The following MYO1B variants were observed in gnomAD, a reference collection of about 807,000 sequenced individuals.
MYO1B encodes myosin IB, also known as unconventional myosin-Ib.
MYO1B carries 72 observed loss-of-function variants against 159.7 expected under a neutral mutation model. The observed-to-expected ratio is 0.45, with a 90% CI of 0.37 to 0.55. MYO1B has a LOEUF of 0.55. MYO1B is among the 20% of genes least tolerant of loss of function. MYO1B has a pLI of 0.00. For missense variants in MYO1B, 1,062 were observed against 1,364.8 expected, an observed-to-expected ratio of 0.78 and a Z score of 3.50; for synonymous variants, 468 against 473.8, an observed-to-expected ratio of 0.99 and a Z score of 0.16.
chr2:191,379,497 C>T (rs1574554961), intron 13 of MYO1B, among the ~76,000 whole-genome samples: 1 of 152,298 alleles, frequency 6.6e-6, no homozygotes, highest in East Asian at 1.9e-4. Flanking sequence ...TTCTAATCTG[C>T]TTGTGTGTAT....
Position 191,424,123 on chromosome 2 carries a change from T to G in MYO1B, c.*163T>G. ...TAATCAATTTTTATTATTGGAATAG[T>G]TTTAACCTTTCAAATACATGTTCTG... On this transcript the variant is annotated 3_prime_UTR_variant, in exon 31 of 31. Coordinates refer to ENST00000392318, the MANE Select transcript of MYO1B (RefSeq NM_001130158.3). 1 of 808,676 alleles carries G rather than the reference T, an allele frequency of 1.2e-6. No individual in the cohort carries two copies. Among genetic ancestry groups the G allele is most frequent in the Non-Finnish European group, 2.0e-6 (1 of 511,682 alleles). The allele number at this position is 808,676 out of a possible 1,614,324, so 50.1% of individuals were successfully genotyped here.
At chr2:191,353,524 G>C (rs1397525147) in intron 7 of MYO1B, among the ~76,000 whole-genome samples, 1 of 152,184 alleles carries the variant, frequency 6.6e-6, no homozygotes, top group Non-Finnish European at 1.5e-5. Flanking sequence ...AGGTCGTCTT[G>C]TTCACATTAC....
At chr2:191,308,715 C>G (rs907652818) in intron 3 of MYO1B, among the ~76,000 whole-genome samples, 1 of 152,192 alleles carries the variant, frequency 6.6e-6, no homozygotes, top group Non-Finnish European at 1.5e-5. Context: ...GTAAATCACT[C>G]TAATTGGGCT....
At chr2:191,305,686 T>A (rs1689609179) in intron 3 of MYO1B, among the ~76,000 whole-genome samples, 1 of 152,184 alleles carries the variant, frequency 6.6e-6, no homozygotes, top group South Asian at 2.1e-4. Flanking sequence ...GTGGGGCATG[T>A]CCTGGTTTGC....
chr2:191,303,318 TGTGTGTGC>T (rs955308540), intron 3 of MYO1B, among the ~76,000 whole-genome samples: 4 of 152,088 alleles, frequency 2.6e-5, no homozygotes, highest in African/African-American at 9.7e-5. Context: ...TTCTGAAGGG[TGTGTGTGC>T]GTGTGTGTGT....
At chr2:191,343,051 C>G (rs1692325030) in intron 5 of MYO1B, among the ~76,000 whole-genome samples, 1 of 152,126 alleles carries the variant, frequency 6.6e-6, no homozygotes, top group African/African-American at 2.4e-5. Context: ...GTAGGATGGC[C>G]TGTCCTGTGC....
chr2:191,413,912 G>A, intron 27 of MYO1B, 136 bp from the exon 28 acceptor site: 1 of 835,682 alleles, frequency 1.2e-6, no homozygotes. Context: ...AGATGTAAGT[G>A]TAATATATAA....
At chr2:191,266,296 C>T (rs779122142) in intron 1 of MYO1B, among the ~76,000 whole-genome samples, 1 of 152,162 alleles carries the variant, frequency 6.6e-6, no homozygotes, top group Non-Finnish European at 1.5e-5. Flanking sequence ...AATGAGTTTG[C>T]TCTCTCAGTC....
At chr2:191,305,864 A>G (rs1259160930) in intron 3 of MYO1B, among the ~76,000 whole-genome samples, 1 of 152,110 alleles carries the variant, frequency 6.6e-6, no homozygotes. Context: ...TTAGGTGATG[A>G]GTTTGCCGCA....
rs1464247214 is a variant in MYO1B, at chr2:191,387,446, A to G, written c.1777A>G (p.Ile593Val). The change falls in exon 17 of 31, where the codon ATT (isoleucine) becomes GTT (valine). Residue 593 changes from isoleucine to valine, a missense_variant. Ile to Val is a conservative substitution (Grantham distance 29). This residue lies in a region of MYO1B where 609 missense variants were observed against 744.4 expected (regional missense o/e 0.82). Coordinates refer to ENST00000392318, the MANE Select transcript of MYO1B (RefSeq NM_001130158.3). ...CCTACAGACCAAGAACCCAAACTAT[A>G]TTAGGTATTTTTGGCACATGAAACT... The part of the protein sequence containing the change: ...KNLQTKNPNY[I>V]RCIKPNDKKA... The G allele has an allele frequency of 1.9e-6, 3 of 1,613,798 alleles. No individual in the cohort carries two copies. Among genetic ancestry groups the G allele is most frequent in the East Asian group, 4.5e-5 (2 of 44,884 alleles).
chr2:191,324,918 C>A (rs977444581), intron 3 of MYO1B, among the ~76,000 whole-genome samples: 2 of 152,020 alleles, frequency 1.3e-5, no homozygotes, highest in African/African-American at 4.8e-5. Context: ...TCCAATTGGG[C>A]AAATGTTTCT....
chr2:191,364,909 A>C (rs61625592), intron 11 of MYO1B, among the ~76,000 whole-genome samples: 2 of 150,436 alleles, frequency 1.3e-5, no homozygotes, highest in African/African-American at 5.0e-5. Flanking sequence ...GGCCCAAGCA[A>C]CTGGAAACAT....
At chr2:191,367,893 A>G (rs1694110627) in intron 11 of MYO1B, among the ~76,000 whole-genome samples, 1 of 152,226 alleles carries the variant, frequency 6.6e-6, no homozygotes, top group African/African-American at 2.4e-5. Context: ...TAAATTACCT[A>G]TTTTAAGAAA....
chr2:191,383,210 T>C (rs2126076593), intron 14 of MYO1B, 70 bp from the exon 15 acceptor site: 2 of 896,690 alleles, frequency 2.2e-6, no homozygotes, highest in Non-Finnish European at 3.4e-6. Flanking sequence ...ATGGTCAAAG[T>C]CTGTTTTATG....
Position 191,390,421 on chromosome 2 carries a change from C to G in MYO1B, c.1911C>G (p.Ala637=). Residue 637 remains alanine (A), a synonymous_variant, in exon 18 of 31, where the codon GCC becomes GCG. Transcript: ENST00000392318. ...GGGCAGGCTACGCCTTCAGGCAGGC[C>G]TATGAACCTTGCCTAGAAAGATACA... ...VRRAGYAFRQ[A]YEPCLERYKM... is the part of the protein sequence containing the mutation. 8 of 1,614,204 alleles carry G rather than the reference C, an allele frequency of 5.0e-6. No homozygotes were observed. Among genetic ancestry groups the G allele is most frequent in the Non-Finnish European group, 6.8e-6 (8 of 1,180,034 alleles).
intron 2 of MYO1B, among the ~76,000 whole-genome samples, chr2:191,288,589 A>G (rs1688520563): frequency 6.6e-6 from 1 of 152,220 alleles, no homozygotes; most frequent in African/African-American, 2.4e-5. Context: ...AAGCTATATT[A>G]TAAACTTCCC....
intron 29 of MYO1B, among the ~76,000 whole-genome samples, chr2:191,415,163 T>C (rs994885060): frequency 6.6e-6 from 1 of 152,198 alleles, no homozygotes; most frequent in African/African-American, 2.4e-5. Context: ...GCATTTAATT[T>C]GTGTGTGCCT....
intron 3 of MYO1B, among the ~76,000 whole-genome samples, chr2:191,327,713 A>G (rs1208078612): frequency 6.6e-6 from 1 of 152,260 alleles, no homozygotes; most frequent in Admixed American, 6.5e-5. Context: ...TTGGTTGTGT[A>G]GAGAATGGTT....
At position 191,407,342 on chromosome 2, in the gene MYO1B, T is replaced by G. The variant is rs143656619; in HGVS notation, c.2557-773T>G. Among the ~76,000 whole-genome samples, 629 of 152,338 alleles carry G rather than the reference T, an allele frequency of 4.1e-3. 5 individuals are homozygous for G. Among genetic ancestry groups the G allele is most frequent in the African/African-American group, 0.014 (579 of 41,586 alleles). ...TTATTCAGATAGGCTAATATTTTGC[T>G]AAATTCTAACTCTCCCATTTGTATC... is the stretch of plus-strand genomic sequence containing the variant. On this transcript the variant is annotated intron_variant, in intron 24 of 30. Coordinates refer to ENST00000392318, the MANE Select transcript of MYO1B (RefSeq NM_001130158.3).
Sources: allele counts gnomAD v4.1 joint callset (sites outside exome capture counted in the v4.1 genomes callset), GRCh38; gene constraint gnomAD v4.1.1; regional missense constraint gnomAD v4.1.1; transcripts MANE v1.5; gene names NCBI Gene and HGNC (gene_info 2026-07-23, HGNC 2026-07-21).